SFTPD: variants seen among roughly 807,000 people sequenced by gnomAD.
SFTPD encodes the protein surfactant protein D.
A neutral mutation model predicts 34.6 loss-of-function variants in SFTPD; 18 were observed. The observed-to-expected ratio is 0.52, with a 90% CI of 0.36 to 0.77. SFTPD has a LOEUF of 0.77. Among genes scored for constraint, SFTPD ranks in the 30% least tolerant of loss-of-function variants. The pLI is 0.00. For missense variants in SFTPD, 433 were observed against 468.9 expected (o/e 0.92, Z 0.71); for synonymous variants, 155 against 180.9 (o/e 0.86, Z 1.15).
At chr10:79,946,947 T>C (rs2132502231) in intron 1 of SFTPD, among the ~76,000 whole-genome samples, 1 of 152,310 alleles carries the variant, frequency 6.6e-6, no homozygotes, top group East Asian at 1.9e-4. Context: ...CCTTGGGCAC[T>C]AAGTTTGGCA....
intron 1 of SFTPD, among the ~76,000 whole-genome samples, chr10:79,967,002 A>G (rs1193817044): frequency 7.1e-6 from 1 of 141,322 alleles, no homozygotes; most frequent in Non-Finnish European, 1.5e-5. Context: ...GGAAAAGAGG[A>G]AGTCAAATTG....
At chr10:79,940,417 C>G (rs1336508008) in intron 7 of SFTPD, among the ~76,000 whole-genome samples, 1 of 152,194 alleles carries the variant, frequency 6.6e-6, no homozygotes, top group Non-Finnish European at 1.5e-5. Flanking sequence ...GCCTGGTGAG[C>G]TGGTGATAGG....
intron 1 of SFTPD, among the ~76,000 whole-genome samples, chr10:79,964,999 A>G (rs1244813262): frequency 6.6e-6 from 1 of 152,090 alleles, no homozygotes; most frequent in East Asian, 1.9e-4. Context: ...CAAATCACCC[A>G]AACAGTTTCT....
chr10:79,950,087 C>T (rs1842701016), upstream of SFTPD: 1 of 152,160 alleles, frequency 6.6e-6, no homozygotes, highest in Admixed American at 6.5e-5. Flanking sequence ...AAGCAATTCT[C>T]CTGCCTCAGC....
intron 1 of SFTPD, among the ~76,000 whole-genome samples, chr10:79,980,275 T>G (rs1024302262): frequency 5.9e-5 from 9 of 151,994 alleles, no homozygotes; most frequent in African/African-American, 2.2e-4. Context: ...TCTTGTAACT[T>G]GGGTACCAGC....
chr10:79,964,245 G>A (rs909064483), intron 1 of SFTPD, among the ~76,000 whole-genome samples: 9 of 152,168 alleles, frequency 5.9e-5, no homozygotes, highest in African/African-American at 1.2e-4. Flanking sequence ...AGGTTTCCTC[G>A]CTACACAAGG....
intron 1 of SFTPD, among the ~76,000 whole-genome samples, chr10:79,979,485 G>A (rs1421336919): frequency 5.3e-5 from 8 of 152,238 alleles, no homozygotes; most frequent in African/African-American, 1.9e-4. Context: ...GTATGAGAGA[G>A]ATCTGTGTAC....
chr10:79,960,401 G>C (rs1181132038), intron 1 of SFTPD, among the ~76,000 whole-genome samples: 1 of 151,072 alleles, frequency 6.6e-6, no homozygotes, highest in African/African-American at 2.4e-5. Flanking sequence ...AAACCCCATC[G>C]TCTCAGCCCA....
At chr10:79,982,139 G>T in intron 1 of SFTPD, 1 of 357,504 alleles carries the variant, frequency 2.8e-6, no homozygotes, top group Non-Finnish European at 4.8e-6. Flanking sequence ...CTGGCTCTCC[G>T]GGCGCGCCTG....
intron 5 of SFTPD, 127 bp downstream of exon 5, chr10:79,941,827 A>AT: frequency 1.4e-6 from 1 of 727,066 alleles, no homozygotes; most frequent in African/African-American, 1.7e-5. Context: ...TTGGATACAG[A>AT]TTCTCTCCAT....
chr10:79,971,250 TTC>T (rs1451030305), intron 1 of SFTPD: 3 of 152,210 alleles, frequency 2.0e-5, no homozygotes, highest in African/African-American at 7.2e-5. Context: ...TATTGTTGAA[TTC>T]TGTTTGCTAG....
At position 79,976,600 on chromosome 10, in the gene SFTPD, GA is replaced by G. The variant is rs759077645; in HGVS notation, c.36+5974del. 3.3e-4 allele frequency among the ~76,000 whole-genome samples: 51 copies of G among 152,252 alleles called. 1 individual carries two copies. The South Asian group carries it at 6.4e-3, about 19-fold the overall frequency. On this transcript the variant is annotated intron_variant, in intron 1 of 5. Coordinates refer to the SFTPD transcript ENST00000444384. Reference sequence around the variant, plus strand: ...CAGTAAAGCCATCTGCACCTAAAGGGAAAAACCCTGAGGATTCAACAAGAGC... The same window carrying G: ...CAGTAAAGCCATCTGCACCTAAAGGGAAAACCCTGAGGATTCAACAAGAGC...
At chr10:79,958,188 G>A (rs1842751226) in intron 1 of SFTPD, among the ~76,000 whole-genome samples, 2 of 152,180 alleles carry the variant, frequency 1.3e-5, no homozygotes, top group South Asian at 4.1e-4. Context: ...ACCAGCCACT[G>A]CAAAAACATG....
intron 1 of SFTPD, among the ~76,000 whole-genome samples, chr10:79,956,383 G>A (rs1027552942): frequency 3.3e-5 from 5 of 152,242 alleles, no homozygotes; most frequent in Non-Finnish European, 7.3e-5. Flanking sequence ...CAAGGGGTCA[G>A]GGAGTTCCCT....
chr10:79,961,388 A>G (rs1393196670), intron 1 of SFTPD, among the ~76,000 whole-genome samples: 4 of 152,144 alleles, frequency 2.6e-5, no homozygotes, highest in African/African-American at 4.8e-5. Flanking sequence ...AATTTTTGCA[A>G]CCTACTCATC....
chr10:79,943,657 G>A (rs1842638195), intron 2 of SFTPD, among the ~76,000 whole-genome samples: 1 of 152,308 alleles, frequency 6.6e-6, no homozygotes, highest in South Asian at 2.1e-4. Context: ...TGCTGGATGG[G>A]TGGAAGAATC....
chr10:79,965,903 G>T, intron 1 of SFTPD, among the ~76,000 whole-genome samples: 2 of 39,648 alleles, frequency 5.0e-5, no homozygotes, highest in African/African-American at 1.3e-4. Context: ...CCCTACAAAG[G>T]ACATGAACTC....
intron 7 of SFTPD, among the ~76,000 whole-genome samples, chr10:79,939,676 C>T (rs1021181103): frequency 4.6e-5 from 7 of 152,170 alleles, no homozygotes; most frequent in Non-Finnish European, 1.0e-4. Context: ...AGAGCATATG[C>T]AGAAAGAGAT....
At chr10:79,981,414 A>G (rs1842889127) in intron 1 of SFTPD, among the ~76,000 whole-genome samples, 1 of 152,238 alleles carries the variant, frequency 6.6e-6, no homozygotes, top group Non-Finnish European at 1.5e-5. Context: ...ATAATAACAG[A>G]TAACTTCCCA....
Sources: gnomAD v4.1 joint callset for allele counts (sites outside exome capture counted in the v4.1 genomes callset) on GRCh38, gnomAD v4.1.1 for gene constraint, MANE v1.5 for transcripts, NCBI Gene and HGNC (gene_info 2026-07-23, HGNC 2026-07-21) for gene names.